Variants in SEC61G observed in about 807,000 individuals in gnomAD.
SEC61G encodes the protein protein transport protein Sec61 subunit gamma.
A neutral mutation model predicts 7.5 loss-of-function variants in SEC61G; 4 were observed. The observed-to-expected ratio is 0.54, with a 90% CI of 0.26 to 1.22. The LOEUF (loss-of-function observed/expected upper bound fraction) is 1.22, where lower values mean the gene tolerates loss of function less well. Among genes scored for constraint, SEC61G ranks in the 50% most tolerant of loss-of-function variants. The probability of loss-of-function intolerance (pLI) is 0.12; values close to 1 mark genes in which losing one functional copy is unlikely to be tolerated. For missense variants in SEC61G, 53 were observed against 84.6 expected, an observed-to-expected ratio of 0.63 and a Z score of 1.46; for synonymous variants, 24 against 24.4, an observed-to-expected ratio of 0.98 and a Z score of 0.05.
intron 1 of SEC61G, among the ~76,000 whole-genome samples, chr7:54,758,028 A>G (rs1791555255): frequency 6.6e-6 from 1 of 152,198 alleles, no homozygotes. Flanking sequence ...TTTATTTTAA[A>G]CTACGCAGAA....
chr7:54,757,665 G>T, intron 1 of SEC61G, 71 bp from the exon 2 acceptor site: 1 of 1,222,354 alleles, frequency 8.2e-7, no homozygotes, highest in Non-Finnish European at 1.2e-6. Context: ...TTTATATAAA[G>T]ATGTAAATGA....
rs111888249 is a variant in SEC61G, at chr7:54,756,105, A to G, written c.95-224T>C. Among the ~76,000 whole-genome samples, 631 of 152,338 alleles carry G rather than the reference A, an allele frequency of 4.1e-3. 6 individuals carry two copies. Among genetic ancestry groups the G allele is most frequent in the African/African-American group, 0.014 (577 of 41,578 alleles). Reference sequence around the variant, plus strand: ...TATTTAAGGAAACAAATAATAATGCATATCTGTCCTAGTGAGTTCATCAGC... The same window carrying G: ...TATTTAAGGAAACAAATAATAATGCGTATCTGTCCTAGTGAGTTCATCAGC... On this transcript the variant is annotated intron_variant, in intron 2 of 3. Transcript: ENST00000352861.
chr7:54,752,814 A>G (rs1487676073), intron 3 of SEC61G, among the ~76,000 whole-genome samples: 1 of 152,238 alleles, frequency 6.6e-6, no homozygotes, highest in Non-Finnish European at 1.5e-5. Flanking sequence ...GATGAGCACA[A>G]GGTACTCAAG....
intron 1 of SEC61G, 85 bp downstream of exon 1, chr7:54,759,073 C>A: frequency 2.3e-6 from 1 of 434,502 alleles, no homozygotes; most frequent in Admixed American, 2.4e-5. Context: ...GGAGACACGC[C>A]GGCTCGCCCA....
At chr7:54,756,569 C>T (rs1035255426) in intron 2 of SEC61G, among the ~76,000 whole-genome samples, 3 of 152,164 alleles carry the variant, frequency 2.0e-5, no homozygotes, top group African/African-American at 4.8e-5. Flanking sequence ...GGCAGAATTG[C>T]TTGAACCCAG....
At chr7:54,753,534 A>C (rs557747775) in intron 3 of SEC61G, among the ~76,000 whole-genome samples, 32 of 152,296 alleles carry the variant, frequency 2.1e-4, no homozygotes, top group African/African-American at 6.7e-4. Flanking sequence ...TACCATCTCA[A>C]AATGATTTAA....
At chr7:54,759,061 G>T (rs1791581818) in intron 1 of SEC61G, 97 bp downstream of exon 1, 1 of 420,844 alleles carries the variant, frequency 2.4e-6, no homozygotes, top group Non-Finnish European at 4.9e-6. Flanking sequence ...ACGGCCGCCC[G>T]GGGAGACACG....
chr7:54,754,069 C>G (rs888015655), intron 3 of SEC61G, among the ~76,000 whole-genome samples: 1 of 152,152 alleles, frequency 6.6e-6, no homozygotes, highest in Non-Finnish European at 1.5e-5. Context: ...CCTCACAACT[C>G]ATAATCTAAT....
intron 2 of SEC61G, among the ~76,000 whole-genome samples, chr7:54,756,750 C>T (rs1166581218): frequency 1.3e-5 from 2 of 151,864 alleles, no homozygotes; most frequent in Non-Finnish European, 2.9e-5. Context: ...TTGGTTAGTC[C>T]TCCTATTATG....
intron 3 of SEC61G, among the ~76,000 whole-genome samples, chr7:54,754,023 G>A (rs1467787773): frequency 6.6e-6 from 1 of 152,108 alleles, no homozygotes; most frequent in Non-Finnish European, 1.5e-5. Context: ...AGACTCTATA[G>A]GAGAGACATA....
At chr7:54,752,602 A>G (rs1049437286) in intron 3 of SEC61G, among the ~76,000 whole-genome samples, 182 bp from the exon 4 acceptor site, 1 of 152,252 alleles carries the variant, frequency 6.6e-6, no homozygotes, top group Non-Finnish European at 1.5e-5. Context: ...TGGACCTGAA[A>G]AGATGATGTG....
At chr7:54,756,012 T>C (rs1269813558) in intron 2 of SEC61G, 131 bp from the exon 3 acceptor site, 2 of 465,194 alleles carry the variant, frequency 4.3e-6, no homozygotes, top group African/African-American at 4.0e-5. Context: ...AATTTAAAAA[T>C]AAAAAGGTGA....
chr7:54,752,769 C>T (rs1373739603), intron 3 of SEC61G, among the ~76,000 whole-genome samples: 2 of 152,174 alleles, frequency 1.3e-5, no homozygotes, highest in Admixed American at 1.3e-4. Context: ...AAAGTTGACA[C>T]ACCAGTAGAA....
At chr7:54,758,766 G>A (rs949844695) in intron 1 of SEC61G, among the ~76,000 whole-genome samples, 2 of 152,148 alleles carry the variant, frequency 1.3e-5, no homozygotes, top group African/African-American at 4.8e-5. Flanking sequence ...TTTAAACCAC[G>A]GAAGCGGCGG....
Position 54,757,400 on chromosome 7 carries a change from A to C in SEC61G, c.94+95T>G, listed in dbSNP as rs776192894. The C allele has an allele frequency of 1.9e-5, 18 of 960,844 alleles. No homozygotes were observed. The South Asian group carries it at 2.6e-4, about 14-fold the overall frequency. 59.5% of individuals were successfully genotyped at this position (960,844 alleles called of 1,614,324 possible). ...GGATCAATCAATAAAAATGTTGATC[A>C]AAGTAATGCAAGGGCTATTAATCAA... On this transcript the variant is annotated intron_variant, in intron 2 of 3. Transcript: ENST00000352861.
intron 3 of SEC61G, among the ~76,000 whole-genome samples, chr7:54,752,868 G>A (rs10262087): frequency 0.035 from 5,294 of 152,242 alleles, 236 homozygotes; most frequent in African/African-American, 0.1. Flanking sequence ...GGTTAGTCAT[G>A]ATGAAAACAA....
chr7:54,757,218 A>G (rs1248635657), intron 2 of SEC61G, among the ~76,000 whole-genome samples: 1 of 151,998 alleles, frequency 6.6e-6, no homozygotes, highest in Non-Finnish European at 1.5e-5. Context: ...CAAAGAGAAA[A>G]TATGTAAGAT....
At chr7:54,756,974 CTATATACTATATACTATAT>C (rs1043983149) in intron 2 of SEC61G, among the ~76,000 whole-genome samples, 4 of 96,852 alleles carry the variant, frequency 4.1e-5, no homozygotes, top group Non-Finnish European at 7.7e-5. Context: ...ACTATATATA[CTATATACTATATACTATAT>C]TATATACTAT....
intron 1 of SEC61G, 178 bp downstream of exon 1, chr7:54,758,980 G>A (rs1791579475): frequency 6.3e-6 from 2 of 318,298 alleles, no homozygotes; most frequent in East Asian, 1.1e-4. Context: ...TCCGCCAGAG[G>A]CCGAGTTGGT....
Sources: allele counts gnomAD v4.1 joint callset (sites outside exome capture counted in the v4.1 genomes callset), GRCh38; gene constraint gnomAD v4.1.1; transcripts MANE v1.5; gene names NCBI Gene and HGNC (gene_info 2026-07-23, HGNC 2026-07-21).